The following COL10A1 variants were observed in gnomAD, a reference collection of about 807,000 sequenced individuals.
The protein encoded by COL10A1 is collagen type X alpha 1 chain, also known as collagen alpha-1(X) chain.
COL10A1 carries 10 observed loss-of-function variants against 18.2 expected under a neutral mutation model. The ratio of observed to expected loss-of-function variants is 0.55; its 90% CI spans 0.34 to 0.93. The LOEUF (loss-of-function observed/expected upper bound fraction) is 0.93, where lower values mean the gene tolerates loss of function less well. COL10A1 is among the 40% of genes least tolerant of loss of function. The probability of loss-of-function intolerance (pLI) is 0.02; values close to 1 mark genes in which losing one functional copy is unlikely to be tolerated. For synonymous variants in COL10A1, 330 were observed against 316.6 expected, an observed-to-expected ratio of 1.04 and a Z score of -0.45; for missense variants, 897 against 853.5, an observed-to-expected ratio of 1.05 and a Z score of -0.64.
At chr6:116,182,120 T>C in the COL10A1 span, among the ~76,000 whole-genome samples, 4 of 152,192 alleles carry the variant, frequency 2.6e-5, no homozygotes, top group African/African-American at 7.2e-5. Context: ...AACATTGGTT[T>C]TCCATTCCTG....
At chr6:116,189,183 T>G in the COL10A1 span, among the ~76,000 whole-genome samples, 1 of 151,824 alleles carries the variant, frequency 6.6e-6, no homozygotes, top group African/African-American at 2.4e-5. Context: ...TGACCACTCT[T>G]GAGAAATTTA....
At chr6:116,151,034 T>C (rs1381557125) in intron 1 of COL10A1, among the ~76,000 whole-genome samples, 1 of 152,210 alleles carries the variant, frequency 6.6e-6, no homozygotes, top group African/African-American at 2.4e-5. Flanking sequence ...TAAAATGTTA[T>C]CTCATTGATA....
At chr6:116,172,612 G>T in the COL10A1 span, among the ~76,000 whole-genome samples, 2 of 151,934 alleles carry the variant, frequency 1.3e-5, no homozygotes, top group Non-Finnish European at 2.9e-5. Context: ...GAGCCACCGC[G>T]CCAGGCCACA....
At chr6:116,151,104 G>A (rs1433538135) in intron 1 of COL10A1, among the ~76,000 whole-genome samples, 1 of 152,116 alleles carries the variant, frequency 6.6e-6, no homozygotes, top group African/African-American at 2.4e-5. Context: ...ATTAGAATTT[G>A]CAGCTCCTAA....
chr6:116,141,943 T>C (rs548770745), intron 1 of COL10A1, among the ~76,000 whole-genome samples: 1 of 148,084 alleles, frequency 6.8e-6, no homozygotes, highest in Non-Finnish European at 1.5e-5. Flanking sequence ...ATGTGAGATG[T>C]TCCTAGTCTA....
At chr6:116,174,280 C>G in the COL10A1 span, among the ~76,000 whole-genome samples, 151,054 of 152,254 alleles carry the variant, frequency 0.99, 74,935 homozygotes, top group Middle Eastern at 1. Flanking sequence ...TCAAGAGTGA[C>G]GGGTAGGTGT....
the COL10A1 span, among the ~76,000 whole-genome samples, chr6:116,183,199 T>C: frequency 6.6e-6 from 1 of 152,298 alleles, no homozygotes; most frequent in East Asian, 1.9e-4. Context: ...TTTGGCTTTA[T>C]TTCTGGGTTC....
At chr6:116,209,814 A>G in the COL10A1 span, among the ~76,000 whole-genome samples, 1 of 152,042 alleles carries the variant, frequency 6.6e-6, no homozygotes, top group Non-Finnish European at 1.5e-5. Flanking sequence ...TTTTATAATT[A>G]TTATCCAATA....
chr6:116,170,583 T>G, the COL10A1 span, among the ~76,000 whole-genome samples: 35 of 152,192 alleles, frequency 2.3e-4, no homozygotes, highest in Non-Finnish European at 5.9e-5. Flanking sequence ...TTGGGTTTGT[T>G]TGTTTTAGTC....
At chr6:116,134,891 G>C (rs1779551664) in intron 1 of COL10A1, among the ~76,000 whole-genome samples, 2 of 152,142 alleles carry the variant, frequency 1.3e-5, no homozygotes, top group African/African-American at 2.4e-5. Context: ...GGTTGGGCCT[G>C]AGATGGAAAG....
chr6:116,121,754 C>T lies in COL10A1; in HGVS notation c.362G>A (p.Gly121Glu). 1 of 1,613,880 alleles carries T rather than the reference C, an allele frequency of 6.2e-7. No individual in the cohort carries two copies. Among genetic ancestry groups the T allele is most frequent in the Non-Finnish European group, 8.5e-7 (1 of 1,179,950 alleles). ...AACATCTCCTTTTGGTCCATATGGT[C>T]CTCTCTCTCCTGGTTTTCCTGGGAG... ...PGLPGKPGER[G>E]PYGPKGDVGP... Residue 121 changes from glycine to glutamate, a missense_variant, in exon 3 of 3, where the codon GGA becomes GAA. Physicochemically the swap from Gly to Glu is moderately conservative, Grantham distance 98. Coordinates refer to ENST00000651968, the MANE Select transcript of COL10A1 (RefSeq NM_000493.4).
At chr6:116,201,750 A>T in the COL10A1 span, among the ~76,000 whole-genome samples, 1 of 152,044 alleles carries the variant, frequency 6.6e-6, no homozygotes, top group Non-Finnish European at 1.5e-5. Context: ...ACAGGTGTAC[A>T]GCCTAAGCCA....
At chr6:116,157,534 T>C (rs1780226847) in intron 1 of COL10A1, among the ~76,000 whole-genome samples, 6 of 152,312 alleles carry the variant, frequency 3.9e-5, no homozygotes. Flanking sequence ...CATGAATTGT[T>C]GAAGAGATTT....
the COL10A1 span, among the ~76,000 whole-genome samples, chr6:116,208,842 G>A: frequency 1.3e-5 from 2 of 151,948 alleles, no homozygotes; most frequent in South Asian, 2.1e-4. Flanking sequence ...TAAAGAGATG[G>A]CAGAGTAAAG....
At chr6:116,150,753 A>G (rs1780019334) in intron 1 of COL10A1, among the ~76,000 whole-genome samples, 1 of 152,200 alleles carries the variant, frequency 6.6e-6, no homozygotes, top group African/African-American at 2.4e-5. Flanking sequence ...TGTCTGTCAT[A>G]TAAGGTCGTA....
intron 1 of COL10A1, among the ~76,000 whole-genome samples, chr6:116,150,658 T>C (rs1780017060): frequency 6.6e-6 from 1 of 152,174 alleles, no homozygotes; most frequent in Non-Finnish European, 1.5e-5. Flanking sequence ...TTTTAGGTAC[T>C]TTACCTAACT....
chr6:116,178,687 T>A, the COL10A1 span, among the ~76,000 whole-genome samples: 5 of 152,228 alleles, frequency 3.3e-5, no homozygotes, highest in African/African-American at 1.2e-4. Flanking sequence ...CAAAATGTTA[T>A]TGTACTTCCA....
At position 116,120,033 on chromosome 6, in the gene COL10A1, G is replaced by A; in HGVS notation, c.*40C>T. On this transcript the variant is annotated 3_prime_UTR_variant, in exon 3 of 3. Transcript: ENST00000651968. ...GTAGGGTGGGGTAGAGTTAGAGAAT[G>A]CTTTTTCTAGCACAAGATTTAGATT... 6.5e-7 allele frequency: 1 copy of A among 1,538,422 alleles called. No homozygotes were observed. Among genetic ancestry groups the A allele is most frequent in the Non-Finnish European group, 8.9e-7 (1 of 1,120,400 alleles).
At chr6:116,213,903 A>G in the COL10A1 span, among the ~76,000 whole-genome samples, 6 of 151,698 alleles carry the variant, frequency 4.0e-5, no homozygotes, top group African/African-American at 1.2e-4. Flanking sequence ...CTTTACCCAC[A>G]CTACTTTTTT....
Sources: gnomAD v4.1 joint callset for allele counts (sites outside exome capture counted in the v4.1 genomes callset) on GRCh38, gnomAD v4.1.1 for gene constraint, MANE v1.5 for transcripts, NCBI Gene and HGNC (gene_info 2026-07-23, HGNC 2026-07-21) for gene names.